Variants in R3HDM2 observed in about 807,000 individuals in gnomAD.
R3HDM2 encodes R3H domain-containing protein 2.
Under a neutral mutation model 124.5 loss-of-function variants are expected in R3HDM2, and 38 were observed. That is an observed-to-expected ratio of 0.31 (90% CI 0.24 to 0.40). The LOEUF (loss-of-function observed/expected upper bound fraction) is 0.40. R3HDM2 is among the 10% of genes least tolerant of loss of function. R3HDM2 has a pLI of 1.00. For missense variants in R3HDM2, 869 were observed against 1,236.9 expected (o/e 0.70, Z 4.46); for synonymous variants, 391 against 448.0 (o/e 0.87, Z 1.61).
Position 57,269,884 on chromosome 12 carries a change from G to A in R3HDM2, c.1455C>T (p.His485=), listed in dbSNP as rs757115793. 3 of 1,614,196 alleles carry A rather than the reference G, an allele frequency of 1.9e-6. No individual in the cohort carries two copies. Among genetic ancestry groups the A allele is most frequent in the African/African-American group, 1.3e-5 (1 of 75,040 alleles). Residue 485 remains histidine (H), a synonymous_variant, in exon 15 of 24, where the codon CAC becomes CAT. Coordinates refer to ENST00000402412, the MANE Select transcript of R3HDM2 (RefSeq NM_001394031.1). ...ALFQTPLISQ[H]PQQTSFIMAS... ...CCATGATGAAGCTAGTCTGCTGAGG[G>A]TGCTGGGAGATAAGTGGGGTCTGGA...
intron 2 of R3HDM2, among the ~76,000 whole-genome samples, chr12:57,387,814 T>C (rs893907574): frequency 6.6e-6 from 1 of 152,106 alleles, no homozygotes; most frequent in Non-Finnish European, 1.5e-5. Flanking sequence ...GTTACACCAG[T>C]GGAACTGGAA....
At chr12:57,300,787 T>A (rs778788274) in intron 4 of R3HDM2, among the ~76,000 whole-genome samples, 8 of 152,072 alleles carry the variant, frequency 5.3e-5, no homozygotes, top group Admixed American at 1.3e-4. Flanking sequence ...TGCCAAGGGT[T>A]TGGAAAGAAG....
chr12:57,343,186 ATT>A (rs760665727), intron 2 of R3HDM2, among the ~76,000 whole-genome samples: 18 of 133,928 alleles, frequency 1.3e-4, no homozygotes, highest in African/African-American at 1.7e-4. Flanking sequence ...TCGGGTCTTA[ATT>A]TTTTTTTTTT....
chr12:57,295,236 TAA>T (rs1387717103), intron 10 of R3HDM2, among the ~76,000 whole-genome samples, 161 bp downstream of exon 10: 1 of 152,174 alleles, frequency 6.6e-6, no homozygotes, highest in East Asian at 1.9e-4. Flanking sequence ...GTTCAACAAA[TAA>T]ACAGTTCTCA....
At chr12:57,316,920 T>C (rs1456593695) in intron 2 of R3HDM2, among the ~76,000 whole-genome samples, 2 of 151,952 alleles carry the variant, frequency 1.3e-5, no homozygotes, top group South Asian at 2.1e-4. Context: ...CTAATTTCTG[T>C]ATTTTTGGTA....
At chr12:57,278,201 C>A (rs2045299377) in intron 14 of R3HDM2, among the ~76,000 whole-genome samples, 1 of 152,258 alleles carries the variant, frequency 6.6e-6, no homozygotes, top group South Asian at 2.1e-4. Flanking sequence ...GCTATAGCAC[C>A]TAACCTGGCA....
At chr12:57,408,131 A>G (rs2068693675) in intron 1 of R3HDM2, among the ~76,000 whole-genome samples, 1 of 152,112 alleles carries the variant, frequency 6.6e-6, no homozygotes, top group African/African-American at 2.4e-5. Context: ...AGGTTTCACC[A>G]TGTTGGTCAG....
Position 57,268,433 on chromosome 12 carries a change from T to G in R3HDM2, c.1900A>C (p.Asn634His). Residue 634 changes from asparagine (N) to histidine (H), a missense_variant, in exon 18 of 24, where the codon AAT (asparagine) becomes CAT (histidine). Around this residue, in one of 2 missense-constraint regions of R3HDM2, gnomAD observed 602 missense variants for 789.2 expected, o/e 0.76. Coordinates refer to ENST00000402412, the MANE Select transcript of R3HDM2 (RefSeq NM_001394031.1). ...YQVPVGSDSQNVVQPPFQQPM... is the reference protein window; with the variant it reads ...YQVPVGSDSQHVVQPPFQQPM... The stretch of plus-strand genomic sequence containing the variant: ...TGCTGGAAAGGCGGCTGGACCACAT[T>G]TTGCGAGTCACTACCCACTGGAACC... 6.2e-7 allele frequency: 1 copy of G among 1,613,914 alleles called. No homozygotes were observed. Among genetic ancestry groups the G allele is most frequent in the Non-Finnish European group, 8.5e-7 (1 of 1,179,992 alleles).
chr12:57,413,367 G>A (rs2069188323), intron 1 of R3HDM2, among the ~76,000 whole-genome samples: 1 of 150,632 alleles, frequency 6.6e-6, no homozygotes, highest in African/African-American at 2.4e-5. Flanking sequence ...GCTGAGGTGG[G>A]AGAATCGCTT....
rs1046899970 is a variant in R3HDM2 at position 57,298,072 on chromosome 12, T to TA, written c.500+17dup. Reference sequence around the variant, plus strand: ...TATCCCCTAACCCCTTTTCCTCTTATACCCATCATGTTATTACCTTGGGTT... The same window carrying TA: ...TATCCCCTAACCCCTTTTCCTCTTATAACCCATCATGTTATTACCTTGGGTT... On this transcript the variant is annotated intron_variant, in intron 7 of 23. Coordinates refer to ENST00000402412, the MANE Select transcript of R3HDM2 (RefSeq NM_001394031.1). 6.5e-7 allele frequency: 1 copy of TA among 1,530,310 alleles called. No homozygotes were observed. The highest frequency in any genetic ancestry group is 2.0e-5 in the Admixed American group (1 of 50,884). 94.8% of individuals were successfully genotyped at this position (1,530,310 alleles called of 1,614,324 possible). A position where few individuals can be genotyped will look rare whatever the true frequency, so the allele number is the denominator to read the frequency against.
chr12:57,255,934 T>C, intron 23 of R3HDM2, 56 bp downstream of exon 23: 1 of 1,492,710 alleles, frequency 6.7e-7, no homozygotes, highest in Non-Finnish European at 9.2e-7. Context: ...GGACTGGTAA[T>C]TAAGCGCTGG....
chr12:57,320,022 T>G (rs2056058919), intron 2 of R3HDM2, among the ~76,000 whole-genome samples: 1 of 151,690 alleles, frequency 6.6e-6, no homozygotes, highest in Admixed American at 6.6e-5. Context: ...TCCCACCACT[T>G]TGGGAGGCGG....
At chr12:57,403,371 A>G (rs1337853272) in intron 1 of R3HDM2, among the ~76,000 whole-genome samples, 1 of 152,158 alleles carries the variant, frequency 6.6e-6, no homozygotes, top group African/African-American at 2.4e-5. Flanking sequence ...GCACGCCTGT[A>G]ATCCCAGCTA....
intron 1 of R3HDM2, among the ~76,000 whole-genome samples, chr12:57,409,088 G>C (rs1039718038): frequency 6.6e-6 from 1 of 151,824 alleles, no homozygotes; most frequent in African/African-American, 2.4e-5. Flanking sequence ...TATCTCTATA[G>C]CTAGCCAGTC....
At chr12:57,256,584 CT>C in intron 21 of R3HDM2, 73 bp from the exon 22 acceptor site, 2 of 1,141,176 alleles carry the variant, frequency 1.8e-6, no homozygotes. Flanking sequence ...CTTCAAGGGG[CT>C]TTGGAGACAG....
chr12:57,350,792 A>G lies in R3HDM2; in HGVS notation c.-35-40329T>C, dbSNP rs146704153. Among the ~76,000 whole-genome samples, 239 of 152,196 alleles carry G rather than the reference A, an allele frequency of 1.6e-3. 1 individual carries two copies. Among genetic ancestry groups the G allele is most frequent in the African/African-American group, 5.5e-3 (229 of 41,542 alleles). On this transcript the variant is annotated intron_variant, in intron 2 of 23. Coordinates refer to ENST00000402412, the MANE Select transcript of R3HDM2 (RefSeq NM_001394031.1). Reference sequence around the variant, plus strand: ...CAACATAGGAAGACCCTGTCTCTACATAAAATTTAAAAATTAGCTAGGCGT... The same window carrying G: ...CAACATAGGAAGACCCTGTCTCTACGTAAAATTTAAAAATTAGCTAGGCGT...
At chr12:57,395,968 C>T (rs1351018490) in intron 1 of R3HDM2, 150 bp from the exon 2 acceptor site, 1 of 182,550 alleles carries the variant, frequency 5.5e-6, no homozygotes, top group Admixed American at 6.5e-5. Flanking sequence ...ACTGCCCCTG[C>T]CCTGAACCCT....
At chr12:57,364,993 T>C (rs1268468496) in intron 2 of R3HDM2, among the ~76,000 whole-genome samples, 11 of 145,200 alleles carry the variant, frequency 7.6e-5, no homozygotes, top group African/African-American at 2.8e-4. Context: ...CCAGGTGCAG[T>C]TGCTCATGCC....
chr12:57,312,928 CAAAAAAAAAAAAA>C (rs57500144), intron 2 of R3HDM2, among the ~76,000 whole-genome samples: 1 of 49,868 alleles, frequency 2.0e-5, no homozygotes, highest in Non-Finnish European at 4.4e-5. Flanking sequence ...GACTCTGGCT[CAAAAAAAAAAAAA>C]AAAAAAAAAA....
Sources: allele counts gnomAD v4.1 joint callset (sites outside exome capture counted in the v4.1 genomes callset), GRCh38; gene constraint gnomAD v4.1.1; regional missense constraint gnomAD v4.1.1; transcripts MANE v1.5; gene names NCBI Gene and HGNC (gene_info 2026-07-23, HGNC 2026-07-21).